The following LRRC56 variants were observed in gnomAD, a reference collection of about 807,000 sequenced individuals.
The protein encoded by LRRC56 is leucine rich repeat containing 56, also known as leucine-rich repeat-containing protein 56.
Under a neutral mutation model 47.8 loss-of-function variants are expected in LRRC56, and 41 were observed. The ratio of observed to expected loss-of-function variants is 0.86; its 90% confidence interval spans 0.67 to 1.11. The LOEUF (loss-of-function observed/expected upper bound fraction) is 1.11. Among genes scored for constraint, LRRC56 ranks in the 50% most tolerant of loss-of-function variants. The pLI is 0.00. For missense variants in LRRC56, 759 were observed against 704.2 expected, an observed-to-expected ratio of 1.08 and a Z score of -0.88; for synonymous variants, 387 against 311.2, an observed-to-expected ratio of 1.24 and a Z score of -2.56.
At chr11:511,242 A>G in the LRRC56 span, among the ~76,000 whole-genome samples, 1 of 150,028 alleles carries the variant, frequency 6.7e-6, no homozygotes, top group Admixed American at 6.8e-5. Context: ...AATGGCGTGA[A>G]CCCGGGAGGC....
At chr11:551,617 G>A (rs1014398240) in intron 9 of LRRC56, 34 bp from the exon 10 acceptor site, 2 of 1,526,800 alleles carry the variant, frequency 1.3e-6, no homozygotes, top group Middle Eastern at 1.8e-4. Flanking sequence ...CTCAGGCTGG[G>A]CCTTGGTGAC....
upstream of LRRC56, chr11:532,595 G>C (rs375490077): frequency 1.3e-6 from 2 of 1,596,274 alleles, no homozygotes; most frequent in African/African-American, 2.7e-5. Flanking sequence ...GGGGTCATCC[G>C]GTGGGCGTGG....
At chr11:546,605 A>G (rs1048660103) in intron 6 of LRRC56, among the ~76,000 whole-genome samples, 1 of 152,074 alleles carries the variant, frequency 6.6e-6, no homozygotes, top group Non-Finnish European at 1.5e-5. Flanking sequence ...GAAATGGAAG[A>G]AAGTTGGAAA....
At chr11:547,647 C>T (rs1246956260) in intron 6 of LRRC56, among the ~76,000 whole-genome samples, 5 of 151,836 alleles carry the variant, frequency 3.3e-5, no homozygotes, top group African/African-American at 7.3e-5. Context: ...CCACCACGCC[C>T]GGCCAGAAGC....
chr11:545,607 C>T (rs541069755), intron 6 of LRRC56, among the ~76,000 whole-genome samples: 20 of 152,274 alleles, frequency 1.3e-4, no homozygotes, highest in Admixed American at 9.8e-4. Flanking sequence ...GTACAGAACC[C>T]GGACCAGCTC....
At chr11:533,371 A>G (rs1186612413), upstream of LRRC56, 1 of 1,588,712 alleles carries the variant, frequency 6.3e-7, no homozygotes, top group Admixed American at 1.7e-5. Context: ...GTGTCAAGGG[A>G]GAGGGTCAGT....
chr11:511,856 C>T, the LRRC56 span, among the ~76,000 whole-genome samples: 74 of 152,302 alleles, frequency 4.9e-4, no homozygotes, highest in African/African-American at 1.7e-3. Context: ...CAGCCACCCC[C>T]CACACACACA....
chr11:542,906 T>A (rs1419253063), intron 5 of LRRC56, among the ~76,000 whole-genome samples: 1 of 152,170 alleles, frequency 6.6e-6, no homozygotes, highest in East Asian at 1.9e-4. Flanking sequence ...AGTGACTTTT[T>A]TTTTTTTGAG....
At chr11:553,619 G>A (rs987716390) in intron 13 of LRRC56, among the ~76,000 whole-genome samples, 8 of 152,158 alleles carry the variant, frequency 5.3e-5, no homozygotes, top group Non-Finnish European at 7.4e-5. Context: ...GAACCGGCCC[G>A]GGGCGGTCAG....
At chr11:508,240 G>T in the LRRC56 span, among the ~76,000 whole-genome samples, 3 of 152,162 alleles carry the variant, frequency 2.0e-5, no homozygotes, top group African/African-American at 7.2e-5. Flanking sequence ...ATCCCAGCTC[G>T]CTGCAGCCTC....
Position 554,820 on chromosome 11 carries a change from C to G in LRRC56, c.*544C>G. On this transcript the variant is annotated 3_prime_UTR_variant, in exon 14 of 14. Transcript: ENST00000270115. ...CGTTCCCTCCTCTTGGCGCAGGACG[C>G]CCCGGAACCCAAACCAACATTTCCA... 1.8e-6 allele frequency: 1 copy of G among 568,806 alleles called. No homozygotes were observed. Among genetic ancestry groups the G allele is most frequent in the East Asian group, 3.5e-5 (1 of 28,618 alleles). 35.2% of individuals were successfully genotyped at this position (568,806 alleles called of 1,614,324 possible). A position where few individuals can be genotyped will look rare whatever the true frequency, so the allele number is the denominator to read the frequency against.
At chr11:517,843 G>A in the LRRC56 span, among the ~76,000 whole-genome samples, 2 of 152,242 alleles carry the variant, frequency 1.3e-5, no homozygotes, top group Non-Finnish European at 2.9e-5. Flanking sequence ...CTTCTGTCTT[G>A]GGATGCTGTT....
rs1589822760 is a variant in LRRC56, at chr11:553,993, T to C, written c.1346T>C (p.Val449Ala). ...EPSGTSSQHL[V>A]PSPPKHPRPR... ...TCCGGGACCTCGAGCCAGCACCTGG[T>C]CCCTTCACCTCCCAAGCACCCAAGG... The change falls in exon 14 of 14, where the codon GTC (valine) becomes GCC (alanine). Residue 449 changes from valine (V) to alanine (A), a missense_variant. Coordinates refer to ENST00000270115, the MANE Select transcript of LRRC56 (RefSeq NM_198075.4). 6.2e-7 allele frequency: 1 copy of C among 1,612,176 alleles called. No homozygotes were observed. The highest frequency in any genetic ancestry group is 2.2e-5 in the East Asian group (1 of 44,862).
At chr11:544,836 A>C in intron 6 of LRRC56, 56 bp downstream of exon 6, 2 of 1,027,050 alleles carry the variant, frequency 1.9e-6, no homozygotes, top group Non-Finnish European at 2.7e-6. Context: ...CCGATGGGAC[A>C]GGCCCTGCAG....
Position 553,949 on chromosome 11 carries a change from T to C in LRRC56, c.1316-14T>C. 1 of 1,607,440 alleles carries C rather than the reference T, an allele frequency of 6.2e-7. No individual in the cohort carries two copies. The highest frequency in any genetic ancestry group is 8.5e-7 in the Non-Finnish European group (1 of 1,177,452). On this transcript the variant is annotated splice_polypyrimidine_tract_variant and intron_variant, in intron 13 of 13. Transcript: ENST00000270115. Reference sequence around the variant, plus strand: ...CAGCCTTTCTGACGTCCCATCACTCTGCTTGCTTTCTAGAGCCCTCCGGGA... The same window carrying C: ...CAGCCTTTCTGACGTCCCATCACTCCGCTTGCTTTCTAGAGCCCTCCGGGA...
the LRRC56 span, among the ~76,000 whole-genome samples, chr11:513,127 C>T: frequency 1.3e-5 from 2 of 152,224 alleles, no homozygotes; most frequent in East Asian, 1.9e-4. Flanking sequence ...GTAACCCTGC[C>T]GCTTCAAGCT....
the LRRC56 span, among the ~76,000 whole-genome samples, chr11:513,563 C>T: frequency 6.6e-6 from 1 of 152,064 alleles, no homozygotes; most frequent in African/African-American, 2.4e-5. Context: ...GGTACAGCAG[C>T]GATAGGGTTC....
intron 6 of LRRC56, among the ~76,000 whole-genome samples, chr11:546,636 C>T (rs1293126444): frequency 1.3e-5 from 2 of 152,046 alleles, no homozygotes; most frequent in Non-Finnish European, 2.9e-5. Flanking sequence ...GTCAAAGACA[C>T]AGTGGGCAGC....
chr11:534,153 C>T (rs899207728), upstream of LRRC56: 53 of 1,392,946 alleles, frequency 3.8e-5, 1 homozygote, highest in Middle Eastern at 3.5e-4. Context: ...CCTATCCTGG[C>T]TGTGTCCTGG....
Sources: gnomAD v4.1 joint callset for allele counts (sites outside exome capture counted in the v4.1 genomes callset) on GRCh38, gnomAD v4.1.1 for gene constraint, MANE v1.5 for transcripts, NCBI Gene and HGNC (gene_info 2026-07-23, HGNC 2026-07-21) for gene names.